ITSN1: variants seen among roughly 807,000 people sequenced by gnomAD.
ITSN1 encodes the protein intersectin 1.
ITSN1 carries 58 observed loss-of-function variants against 239.8 expected under a neutral mutation model. That is an observed-to-expected ratio of 0.24 (90% confidence interval 0.20 to 0.30). ITSN1 has a LOEUF of 0.30. Among genes scored for constraint, ITSN1 ranks in the 10% least tolerant of loss-of-function variants. ITSN1 has a pLI of 1.00. For synonymous variants in ITSN1, 780 were observed against 770.8 expected (o/e 1.01, Z -0.20); for missense variants, 1,558 against 2,103.3 (o/e 0.74, Z 5.07).
intron 4 of ITSN1, among the ~76,000 whole-genome samples, chr21:33,727,967 A>ATTT (rs1257578712): frequency 1.2e-4 from 17 of 137,214 alleles, no homozygotes; most frequent in Admixed American, 6.6e-4. Context: ...AGCAGCTGGA[A>ATTT]TTTTTTTTTT....
At chr21:33,769,458 G>A (rs542066871) in intron 11 of ITSN1, among the ~76,000 whole-genome samples, 1 of 152,240 alleles carries the variant, frequency 6.6e-6, no homozygotes, top group East Asian at 1.9e-4. Flanking sequence ...TAGTCTGCTT[G>A]GACTACCATA....
At chr21:33,701,944 T>C (rs1404768475) in intron 1 of ITSN1, among the ~76,000 whole-genome samples, 1 of 151,850 alleles carries the variant, frequency 6.6e-6, no homozygotes. Flanking sequence ...GGTGGGTGCC[T>C]ATAATCCCAG....
At position 33,867,309 on chromosome 21, in the gene ITSN1, G is replaced by C; in HGVS notation, c.4151G>C (p.Arg1384Thr). ...FILKPMQRVTRYPLIIKNILE... is the reference protein window; with the variant it reads ...FILKPMQRVTTYPLIIKNILE... ...CTGAAGCCTATGCAACGGGTAACAA[G>C]ATACCCACTGATCATTAAAAATGTA... Residue 1384 changes from arginine to threonine, a missense_variant, in exon 33 of 40, where the codon AGA becomes ACA. Arg to Thr is a moderately conservative substitution (Grantham distance 71). This residue lies in a region of ITSN1 where 576 missense variants were observed against 893.3 expected (regional missense o/e 0.64). Coordinates refer to ENST00000381318, the MANE Select transcript of ITSN1 (RefSeq NM_003024.3). The C allele has an allele frequency of 1.9e-6, 3 of 1,602,784 alleles. No individual in the cohort carries two copies. The highest frequency in any genetic ancestry group is 1.1e-5 in the South Asian group (1 of 90,846).
intron 8 of ITSN1, among the ~76,000 whole-genome samples, chr21:33,761,310 G>GAACT (rs2068307094): frequency 6.6e-6 from 1 of 152,046 alleles, no homozygotes; most frequent in Non-Finnish European, 1.5e-5. Flanking sequence ...CGAGCCATCT[G>GAACT]CCTGCCTCAG....
At chr21:33,754,221 T>A (rs2067763245) in intron 7 of ITSN1, 1 of 152,112 alleles carries the variant, frequency 6.6e-6, no homozygotes, top group Non-Finnish European at 1.5e-5. Context: ...GAATAGATCA[T>A]GGTAAGTGTT....
intron 9 of ITSN1, among the ~76,000 whole-genome samples, chr21:33,764,810 G>C (rs181514584): frequency 7.9e-5 from 12 of 152,336 alleles, no homozygotes; most frequent in Admixed American, 7.8e-4. Flanking sequence ...TGATGGTCCA[G>C]AAATTGTTTA....
At chr21:33,868,408 A>G (rs971991246) in intron 33 of ITSN1, among the ~76,000 whole-genome samples, 1 of 152,198 alleles carries the variant, frequency 6.6e-6, no homozygotes, top group Non-Finnish European at 1.5e-5. Flanking sequence ...ACAGGAACCC[A>G]CGGAGGCAGG....
rs995709104 is a variant in ITSN1 at position 33,781,930 on chromosome 21, A to C, written c.1685-64A>C. 2.1e-6 allele frequency: 3 copies of C among 1,452,176 alleles called. No homozygotes were observed. The African/African-American group carries it at 4.3e-5, about 21-fold the overall frequency. The allele number at this position is 1,452,176 out of a possible 1,614,324, so 90.0% of individuals were successfully genotyped here. On this transcript the variant is annotated intron_variant, in intron 15 of 39. Transcript: ENST00000381318. ...TTTCCTTAAGTGAAATGAGAACATT[A>C]AAAAACATTTTCCTCACTGCAAATT... is the stretch of plus-strand genomic sequence containing the variant.
At chr21:33,833,871 CAAAAAAAA>C (rs923200436) in intron 27 of ITSN1, among the ~76,000 whole-genome samples, 1 of 61,228 alleles carries the variant, frequency 1.6e-5, no homozygotes, top group Non-Finnish European at 3.6e-5. Context: ...GACTCCGTCT[CAAAAAAAA>C]AAAAAAAAAA....
chr21:33,832,810 C>G (rs764802076), intron 27 of ITSN1, among the ~76,000 whole-genome samples: 40 of 152,156 alleles, frequency 2.6e-4, no homozygotes, highest in Non-Finnish European at 4.1e-4. Flanking sequence ...AGGTATCCCT[C>G]TTGATAAACT....
intron 1 of ITSN1, among the ~76,000 whole-genome samples, chr21:33,705,480 T>C (rs928747058): frequency 3.9e-5 from 6 of 152,054 alleles, no homozygotes; most frequent in Non-Finnish European, 7.4e-5. Flanking sequence ...CTCTGCCTCC[T>C]GGGTTCACAC....
At chr21:33,688,407 G>C (rs949086497) in intron 1 of ITSN1, among the ~76,000 whole-genome samples, 1 of 152,196 alleles carries the variant, frequency 6.6e-6, no homozygotes, top group Non-Finnish European at 1.5e-5. Context: ...AGTTTATGTG[G>C]ATGAGGACTA....
At chr21:33,796,666 G>A (rs1403055879) in intron 17 of ITSN1, among the ~76,000 whole-genome samples, 1 of 152,164 alleles carries the variant, frequency 6.6e-6, no homozygotes, top group African/African-American at 2.4e-5. Flanking sequence ...TTCCTCATTT[G>A]TAAAATAGGA....
chr21:33,665,846 A>T (rs762821362), intron 1 of ITSN1, among the ~76,000 whole-genome samples: 4 of 152,344 alleles, frequency 2.6e-5, no homozygotes, highest in Admixed American at 2.6e-4. Context: ...CCTTGAAAGC[A>T]TGTAGAATAA....
rs75929845 is a variant in ITSN1, at chr21:33,837,773, C to T, written c.3661+1141C>T. On this transcript the variant is annotated intron_variant, in intron 29 of 39. Coordinates refer to ENST00000381318, the MANE Select transcript of ITSN1 (RefSeq NM_003024.3). The stretch of plus-strand genomic sequence containing the variant: ...GTGACCTTGTAGCCACATGAGAAAG[C>T]ACTCTGTGTTTTTGTTCGGTCTCAG... 225 of 985,848 alleles carry T rather than the reference C, an allele frequency of 2.3e-4. 1 individual carries two copies. In the African/African-American group the frequency reaches 3.8e-3, roughly 17 times the overall value. The allele number at this position is 985,848 out of a possible 1,614,324, so 61.1% of individuals were successfully genotyped here. A position where few individuals can be genotyped will look rare whatever the true frequency, so the allele number is the denominator to read the frequency against.
intron 24 of ITSN1, among the ~76,000 whole-genome samples, chr21:33,819,885 G>A (rs1307590415): frequency 6.6e-6 from 1 of 152,084 alleles, no homozygotes; most frequent in African/African-American, 2.4e-5. Context: ...GGGAGGCTGA[G>A]GCAGGAGAAT....
intron 20 of ITSN1, among the ~76,000 whole-genome samples, chr21:33,805,718 C>T (rs1455787641): frequency 6.6e-6 from 1 of 151,756 alleles, no homozygotes; most frequent in Non-Finnish European, 1.5e-5. Flanking sequence ...GTCGCCCAGG[C>T]TGGAGTGCAG....
At chr21:33,754,243 A>C (rs2067765768) in intron 7 of ITSN1, 1 of 152,182 alleles carries the variant, frequency 6.6e-6, no homozygotes, top group South Asian at 2.1e-4. Flanking sequence ...TTTATTAAGA[A>C]ATTCATAAAA....
Position 33,819,223 on chromosome 21 carries a change from C to G in ITSN1, c.2934-18C>G, listed in dbSNP as rs114855389. 10,537 of 1,584,188 alleles carry G rather than the reference C, an allele frequency of 6.7e-3. 626 individuals are homozygous for G. In the African/African-American group the frequency reaches 0.13, roughly 19 times the overall value. The stretch of plus-strand genomic sequence containing the variant: ...TTGAAGATAAAAATTAAAATACTCT[C>G]TTCTTCCATTATTGCAGCATGGATT... On this transcript the variant is annotated intron_variant, in intron 23 of 39. Coordinates refer to ENST00000381318, the MANE Select transcript of ITSN1 (RefSeq NM_003024.3).
Sources: allele counts gnomAD v4.1 joint callset (sites outside exome capture counted in the v4.1 genomes callset), GRCh38; gene constraint gnomAD v4.1.1; regional missense constraint gnomAD v4.1.1; transcripts MANE v1.5; gene names NCBI Gene and HGNC (gene_info 2026-07-23, HGNC 2026-07-21).